Variants in SCFD2 observed in about 807,000 individuals in gnomAD.
SCFD2 encodes the protein sec1 family domain-containing protein 2.
SCFD2 carries 54 observed loss-of-function variants against 58.9 expected under a neutral mutation model. That is an observed-to-expected ratio of 0.92 (90% CI 0.74 to 1.15). SCFD2 has a LOEUF of 1.15. Ranked by LOEUF, SCFD2 falls within the 50% of genes most tolerant of loss-of-function variation. SCFD2 has a pLI of 0.00. For missense variants in SCFD2, 805 were observed against 836.6 expected, an observed-to-expected ratio of 0.96 and a Z score of 0.47; for synonymous variants, 321 against 335.9, an observed-to-expected ratio of 0.96 and a Z score of 0.49.
At chr4:53,127,711 T>C (rs1725668176) in intron 5 of SCFD2, among the ~76,000 whole-genome samples, 1 of 151,912 alleles carries the variant, frequency 6.6e-6, no homozygotes, top group South Asian at 2.1e-4. Flanking sequence ...GGCAGTATAA[T>C]ATATTTAAGG....
chr4:53,127,557 A>G (rs1274929835), intron 5 of SCFD2, among the ~76,000 whole-genome samples: 1 of 152,090 alleles, frequency 6.6e-6, no homozygotes, highest in Admixed American at 6.6e-5. Flanking sequence ...ACGACACACA[A>G]TGGGGTTGTG....
intron 4 of SCFD2, among the ~76,000 whole-genome samples, chr4:53,175,564 G>A (rs1727303796): frequency 1.3e-5 from 2 of 152,076 alleles, no homozygotes; most frequent in African/African-American, 4.8e-5. Flanking sequence ...CCATGAATCA[G>A]ATTTATATCT....
intron 5 of SCFD2, among the ~76,000 whole-genome samples, chr4:53,055,027 T>G (rs1723284929): frequency 6.6e-6 from 1 of 152,096 alleles, no homozygotes. Context: ...GAGTTTGTGT[T>G]TGTGAGTTGT....
intron 5 of SCFD2, among the ~76,000 whole-genome samples, chr4:53,109,172 C>T (rs958875338): frequency 1.3e-5 from 2 of 152,172 alleles, no homozygotes; most frequent in Admixed American, 6.5e-5. Context: ...AACACCCCTT[C>T]ATGCTAAAAA....
At chr4:53,176,258 C>T (rs1263570144) in intron 4 of SCFD2, among the ~76,000 whole-genome samples, 1 of 152,162 alleles carries the variant, frequency 6.6e-6, no homozygotes, top group East Asian at 1.9e-4. Flanking sequence ...CATATTTTGC[C>T]AAGTCTAAAA....
chr4:53,350,630 T>C (rs1250251494), intron 2 of SCFD2, among the ~76,000 whole-genome samples: 1 of 152,242 alleles, frequency 6.6e-6, no homozygotes, highest in East Asian at 1.9e-4. Flanking sequence ...GTCATCTCTT[T>C]AAATCTATTC....
intron 3 of SCFD2, among the ~76,000 whole-genome samples, chr4:53,301,250 A>C (rs954821945): frequency 5.9e-5 from 9 of 152,240 alleles, no homozygotes; most frequent in African/African-American, 2.2e-4. Flanking sequence ...AGATGCAATA[A>C]AAAATGACAA....
chr4:53,230,919 A>C (rs940852809), intron 4 of SCFD2, among the ~76,000 whole-genome samples: 1 of 152,086 alleles, frequency 6.6e-6, no homozygotes, highest in Non-Finnish European at 1.5e-5. Flanking sequence ...CATCAAACCA[A>C]TATGTACACT....
intron 2 of SCFD2, among the ~76,000 whole-genome samples, chr4:53,317,997 G>C (rs1176059622): frequency 6.6e-6 from 1 of 152,136 alleles, no homozygotes; most frequent in Non-Finnish European, 1.5e-5. Context: ...GCCTTTTGTA[G>C]AACTGCAGTG....
intron 4 of SCFD2, among the ~76,000 whole-genome samples, chr4:53,238,109 A>G (rs1729725780): frequency 3.0e-5 from 3 of 101,344 alleles, no homozygotes; most frequent in Admixed American, 1.1e-4. Flanking sequence ...GGGGCTCCTC[A>G]CTTCCCAGTA....
chr4:52,965,891 A>G (rs1720951808), intron 5 of SCFD2, among the ~76,000 whole-genome samples: 1 of 152,228 alleles, frequency 6.6e-6, no homozygotes, highest in Non-Finnish European at 1.5e-5. Context: ...TCTGCAAATA[A>G]TACTCTATGC....
At chr4:52,877,869 G>C (rs535844180) in intron 8 of SCFD2, among the ~76,000 whole-genome samples, 1 of 152,168 alleles carries the variant, frequency 6.6e-6, no homozygotes, top group Non-Finnish European at 1.5e-5. Flanking sequence ...GAGCATCACA[G>C]GACTTCAGAA....
At chr4:52,990,246 A>T (rs2109581442) in intron 5 of SCFD2, among the ~76,000 whole-genome samples, 1 of 152,380 alleles carries the variant, frequency 6.6e-6, no homozygotes, top group East Asian at 1.9e-4. Flanking sequence ...GACTGAAAAC[A>T]TGTTTCTAAT....
At chr4:53,129,238 CAAAACAAAACAAAACA>C (rs1725719104) in intron 5 of SCFD2, among the ~76,000 whole-genome samples, 1 of 151,636 alleles carries the variant, frequency 6.6e-6, no homozygotes. Flanking sequence ...CAAAACAAAA[CAAAACAAAACAAAACA>C]AAACGAACAG....
At chr4:53,295,743 T>C (rs1210330897) in intron 3 of SCFD2, among the ~76,000 whole-genome samples, 1 of 152,034 alleles carries the variant, frequency 6.6e-6, no homozygotes, top group Non-Finnish European at 1.5e-5. Flanking sequence ...TTCCAGTTTT[T>C]GCCCATTCAT....
chr4:53,354,599 G>A (rs974397305), intron 1 of SCFD2, among the ~76,000 whole-genome samples: 9 of 152,300 alleles, frequency 5.9e-5, no homozygotes, highest in African/African-American at 1.4e-4. Flanking sequence ...CACTGAGAGC[G>A]AGCAAGGGCT....
At chr4:53,248,197 A>C (rs1395967238) in intron 4 of SCFD2, among the ~76,000 whole-genome samples, 2 of 152,188 alleles carry the variant, frequency 1.3e-5, no homozygotes, top group Non-Finnish European at 2.9e-5. Context: ...CTCCCACCCA[A>C]ATACTGCGCT....
intron 4 of SCFD2, among the ~76,000 whole-genome samples, chr4:53,229,373 C>T (rs1026041662): frequency 2.6e-5 from 4 of 152,178 alleles, no homozygotes; most frequent in Non-Finnish European, 5.9e-5. Flanking sequence ...TCAAACTATA[C>T]TACAAGGCTA....
At chr4:53,097,654 T>A (rs1321493677) in intron 5 of SCFD2, among the ~76,000 whole-genome samples, 1 of 152,236 alleles carries the variant, frequency 6.6e-6, no homozygotes, top group Non-Finnish European at 1.5e-5. Flanking sequence ...AATCATGTTG[T>A]CTGCAAAGAG....
Sources: gnomAD v4.1 joint callset for allele counts (sites outside exome capture counted in the v4.1 genomes callset) on GRCh38, gnomAD v4.1.1 for gene constraint, MANE v1.5 for transcripts, NCBI Gene and HGNC (gene_info 2026-07-23, HGNC 2026-07-21) for gene names.